Variants in OMA1 observed in about 807,000 individuals in gnomAD.
OMA1 encodes the protein metalloendopeptidase OMA1, mitochondrial.
In OMA1, 38 loss-of-function variants were observed where a neutral mutation model predicts 30.9. The observed-to-expected ratio is 1.23, with a 90% CI of 0.95 to 1.61. The LOEUF (loss-of-function observed/expected upper bound fraction) is 1.61. OMA1 is among the 40% of genes most tolerant of loss of function. OMA1 has a pLI of 0.00. For synonymous variants in OMA1, 173 were observed against 121.9 expected (o/e 1.42, Z -2.76); for missense variants, 461 against 349.2 (o/e 1.32, Z -2.55).
intron 7 of OMA1, among the ~76,000 whole-genome samples, chr1:58,510,392 G>A (rs548960287): frequency 2.2e-4 from 33 of 152,060 alleles, no homozygotes; most frequent in Non-Finnish European, 4.4e-4. Flanking sequence ...CATCTCAATA[G>A]ATGCAGAAAA....
In OMA1 at chr1:58,537,690, C is replaced by A. The variant is rs932911665; in HGVS notation, c.501-949G>T. Among the ~76,000 whole-genome samples the A allele has an allele frequency of 1.8e-4, 28 of 152,136 alleles. 1 individual carries two copies. Among genetic ancestry groups the A allele is most frequent in the Admixed American group, 1.4e-3 (22 of 15,264 alleles). ...ATTCTCTTGACAAAAATTTATTTTA[C>A]AAATTCTTAAAGTTCTCTTTGTGAA... On this transcript the variant is annotated intron_variant, in intron 2 of 8. Transcript: ENST00000371226.
intron 8 of OMA1, among the ~76,000 whole-genome samples, chr1:58,499,850 A>G (rs1459315725): frequency 6.6e-6 from 1 of 152,180 alleles, no homozygotes. Flanking sequence ...TCCCAGTAAC[A>G]ACTAAAGTAT....
Position 58,533,977 on chromosome 1 carries a change from T to C in OMA1, c.987A>G (p.Ile329Met), listed in dbSNP as rs1646477133. 2 of 872,174 alleles carry C rather than the reference T, an allele frequency of 2.3e-6. No individual in the cohort carries two copies. The highest frequency in any genetic ancestry group is 4.0e-6 in the Non-Finnish European group (2 of 501,514). 54.0% of individuals were successfully genotyped at this position (872,174 alleles called of 1,614,324 possible). The change falls in exon 5 of 9, where the codon ATA becomes ATG. Residue 329 changes from isoleucine to methionine, a missense_variant. By Grantham distance (10) the Ile-to-Met change is conservative. Transcript: ENST00000371226. Reference sequence around the variant, plus strand: ...CAGCATGCCCAAGTACTGCATGTGCTATTTCATGGCCCAGAAGGAAAGAAA... The same window carrying C: ...CAGCATGCCCAAGTACTGCATGTGCCATTTCATGGCCCAGAAGGAAAGAAA... ...HQLSFLLGHE[I>M]AHAVLGHAAE... is the part of the protein sequence containing the mutation.
intron 1 of OMA1, among the ~76,000 whole-genome samples, chr1:58,543,069 C>T (rs759302000): frequency 3.3e-5 from 5 of 151,890 alleles, no homozygotes; most frequent in Non-Finnish European, 5.9e-5. Flanking sequence ...ACCACAAAGC[C>T]AGAGTGAATA....
intron 7 of OMA1, among the ~76,000 whole-genome samples, chr1:58,517,982 T>C (rs764961280): frequency 6.6e-6 from 1 of 150,886 alleles, no homozygotes; most frequent in Non-Finnish European, 1.5e-5. Flanking sequence ...AGGTTGGGAG[T>C]TCGAGACCAG....
rs60360589 is a variant in OMA1, at chr1:58,541,614, C to CAAAAAA, written c.-16-2310_-16-2305dup. 4.6e-3 allele frequency: 300 copies of CAAAAAA among 65,584 alleles called. 6 individuals are homozygous for CAAAAAA. Among genetic ancestry groups the CAAAAAA allele is most frequent in the Middle Eastern group, 0.021 (2 of 94 alleles). The allele number at this position is 65,584 out of a possible 1,614,324, so 4.1% of individuals were successfully genotyped here. A position where few individuals can be genotyped will look rare whatever the true frequency, so the allele number is the denominator to read the frequency against. On this transcript the variant is annotated intron_variant, in intron 1 of 8. Coordinates refer to ENST00000371226, the MANE Select transcript of OMA1 (RefSeq NM_145243.5). ...CGTGGGCAACAGAATGAGAACCTGT[C>CAAAAAA]AAAAAAAAAAAAAAAAAAAAAAAAA...
intron 7 of OMA1, among the ~76,000 whole-genome samples, chr1:58,515,530 C>G (rs929381611): frequency 6.6e-6 from 1 of 152,082 alleles, no homozygotes; most frequent in African/African-American, 2.4e-5. Context: ...GATGAATACA[C>G]ACAAGCCTGT....
At chr1:58,531,826 A>G (rs573305315) in intron 5 of OMA1, among the ~76,000 whole-genome samples, 1 of 152,068 alleles carries the variant, frequency 6.6e-6, no homozygotes, top group South Asian at 2.1e-4. Context: ...CTCCTGCCTC[A>G]GCCTCCCGAG....
Position 58,538,799 on chromosome 1 carries a change from C to T in OMA1, c.496G>A (p.Gly166Ser), listed in dbSNP as rs1006187434. ...TATTCTAAAAAAGCATTTTACCTGC[C>T]TACAATGATTGCAAATAACTTCTGT... The part of the protein sequence containing the change: ...PVQKLFAIIV[G>S]RGIRKWWQAL... Residue 166 changes from glycine (G) to serine (S), a missense_variant, in exon 2 of 9, where the codon GGC becomes AGC. Transcript: ENST00000371226. 5.0e-6 allele frequency: 4 copies of T among 799,998 alleles called. No individual in the cohort carries two copies. The highest frequency in any genetic ancestry group is 4.6e-5 in the Admixed American group (2 of 43,512). 49.6% of individuals were successfully genotyped at this position (799,998 alleles called of 1,614,324 possible). A position where few individuals can be genotyped will look rare whatever the true frequency, so the allele number is the denominator to read the frequency against.
chr1:58,527,545 T>C (rs1646371940), intron 6 of OMA1, among the ~76,000 whole-genome samples: 1 of 152,204 alleles, frequency 6.6e-6, no homozygotes, highest in Non-Finnish European at 1.5e-5. Flanking sequence ...GATAAGGATA[T>C]AAGTCATGCC....
intron 7 of OMA1, among the ~76,000 whole-genome samples, chr1:58,512,236 A>T (rs890140788): frequency 1.1e-4 from 16 of 152,194 alleles, no homozygotes; most frequent in Admixed American, 2.0e-4. Flanking sequence ...TCTATCATTG[A>T]AAAAAAGAGA....
At position 58,536,523 on chromosome 1, in the gene OMA1, T is replaced by G; in HGVS notation, c.719A>C (p.Glu240Ala). 1 of 872,252 alleles carries G rather than the reference T, an allele frequency of 1.1e-6. No individual in the cohort carries two copies. The highest frequency in any genetic ancestry group is 2.0e-6 in the Non-Finnish European group (1 of 501,188). The allele number at this position is 872,252 out of a possible 1,614,324, so 54.0% of individuals were successfully genotyped here. Residue 240 changes from glutamate (E) to alanine (A), a missense_variant, in exon 3 of 9, where the codon GAA becomes GCA. Glu to Ala is a moderately radical substitution (Grantham distance 107). Coordinates refer to ENST00000371226, the MANE Select transcript of OMA1 (RefSeq NM_145243.5). ...ACTCTTACTACTTACTGCTTCATATTCCAGTTCCGATAAAAGTCTGAACTG... is the reference window on the plus strand; with the variant it reads ...ACTCTTACTACTTACTGCTTCATATGCCAGTTCCGATAAAAGTCTGAACTG... ...KEQFRLLSEL[E>A]YEAWMEEFKN...
chr1:58,484,479 A>G (rs1419532840), intron 8 of OMA1, among the ~76,000 whole-genome samples: 1 of 152,192 alleles, frequency 6.6e-6, no homozygotes, highest in Admixed American at 6.5e-5. Flanking sequence ...AGTTATTCAC[A>G]TAACATTTCA....
intron 8 of OMA1, among the ~76,000 whole-genome samples, chr1:58,500,748 C>G (rs1645893279): frequency 1.3e-5 from 2 of 151,918 alleles, no homozygotes; most frequent in Non-Finnish European, 2.9e-5. Context: ...TTCTCCATAC[C>G]CTTCACCCAA....
chr1:58,538,811 C>T lies in OMA1; in HGVS notation c.484G>A (p.Ala162Thr). ...MILKPVQKLFAIIVGRGIRKW... is the reference protein window; with the variant it reads ...MILKPVQKLFTIIVGRGIRKW... Reference sequence around the variant, plus strand: ...GCATTTTACCTGCCTACAATGATTGCAAATAACTTCTGTACTGGTTTAAGA... The same window carrying T: ...GCATTTTACCTGCCTACAATGATTGTAAATAACTTCTGTACTGGTTTAAGA... Residue 162 changes from alanine to threonine, a missense_variant, in exon 2 of 9, where the codon GCA becomes ACA. Coordinates refer to ENST00000371226, the MANE Select transcript of OMA1 (RefSeq NM_145243.5). 1 of 813,446 alleles carries T rather than the reference C, an allele frequency of 1.2e-6. No homozygotes were observed. Among genetic ancestry groups the T allele is most frequent in the African/African-American group, 1.7e-5 (1 of 58,734 alleles). The allele number at this position is 813,446 out of a possible 1,614,324, so 50.4% of individuals were successfully genotyped here. A position where few individuals can be genotyped will look rare whatever the true frequency, so the allele number is the denominator to read the frequency against.
At chr1:58,530,483 T>C (rs554645983) in intron 6 of OMA1, 118 bp downstream of exon 6, 7 of 614,172 alleles carry the variant, frequency 1.1e-5, no homozygotes, top group Non-Finnish European at 2.0e-5. Flanking sequence ...ACACTAAAAA[T>C]TCGTACCCAT....
chr1:58,546,268 G>C (rs1646702805), intron 1 of OMA1, among the ~76,000 whole-genome samples: 1 of 152,244 alleles, frequency 6.6e-6, no homozygotes, highest in Non-Finnish European at 1.5e-5. Flanking sequence ...CGACGCGCCG[G>C]GAGGCGGTCC....
chr1:58,542,179 C>T (rs1318575041), intron 1 of OMA1, among the ~76,000 whole-genome samples: 1 of 152,176 alleles, frequency 6.6e-6, no homozygotes, highest in Non-Finnish European at 1.5e-5. Context: ...TTTTGAAATA[C>T]AACCAATTTT....
At chr1:58,509,076 T>C (rs1337782802) in intron 7 of OMA1, among the ~76,000 whole-genome samples, 6 of 152,096 alleles carry the variant, frequency 3.9e-5, no homozygotes, top group Admixed American at 6.6e-5. Flanking sequence ...CTGGTGAAGA[T>C]CTTCTCCTGT....
Sources: allele counts gnomAD v4.1 joint callset (sites outside exome capture counted in the v4.1 genomes callset), GRCh38; gene constraint gnomAD v4.1.1; transcripts MANE v1.5; gene names NCBI Gene and HGNC (gene_info 2026-07-23, HGNC 2026-07-21).